PRRG1: variants seen among roughly 807,000 people sequenced by gnomAD.
PRRG1 encodes the protein proline rich and Gla domain 1.
PRRG1 carries 5 observed loss-of-function variants against 11.8 expected under a neutral mutation model. The ratio of observed to expected loss-of-function variants is 0.42; its 90% CI spans 0.22 to 0.89. PRRG1 has a LOEUF of 0.89. Among genes scored for constraint, PRRG1 ranks in the 40% least tolerant of loss-of-function variants. The pLI is 0.28. For missense variants in PRRG1, 155 were observed against 166.1 expected (o/e 0.93, Z 0.37); for synonymous variants, 66 against 60.4 (o/e 1.09, Z -0.43).
chrX:37,429,844 G>A (rs782116141), intron 3 of PRRG1, among the ~76,000 whole-genome samples: 36 of 112,165 alleles, frequency 3.2e-4, no homozygotes, highest in African/African-American at 1.2e-3. Flanking sequence ...CACATGGCTG[G>A]CAAGGCCTTA....
intron 1 of PRRG1, among the ~76,000 whole-genome samples, chrX:37,381,473 T>C (rs1320933819): frequency 9.0e-6 from 1 of 111,432 alleles, no homozygotes; most frequent in Non-Finnish European, 1.9e-5. Context: ...AGTAATAAAG[T>C]TTCTGGGCAA....
chrX:37,452,178 G>T (rs1211930426), intron 3 of PRRG1, among the ~76,000 whole-genome samples: 1 of 112,065 alleles, frequency 8.9e-6, no homozygotes, highest in Non-Finnish European at 1.9e-5. Context: ...TAAGGGATAG[G>T]TAATCAGTCA....
At chrX:37,431,941 A>G (rs781896360) in intron 3 of PRRG1, among the ~76,000 whole-genome samples, 5 of 105,437 alleles carry the variant, frequency 4.7e-5, no homozygotes, top group African/African-American at 1.7e-4. Flanking sequence ...CTTTATATAC[A>G]TATATATATA....
At chrX:37,389,513 G>A (rs782755697) in intron 1 of PRRG1, among the ~76,000 whole-genome samples, 1 of 111,303 alleles carries the variant, frequency 9.0e-6, no homozygotes, top group South Asian at 3.8e-4. Flanking sequence ...AATCATGGTG[G>A]AAGGTGAAGG....
intron 1 of PRRG1, among the ~76,000 whole-genome samples, chrX:37,379,531 A>G (rs1931087186): frequency 9.0e-6 from 1 of 111,430 alleles, no homozygotes. Flanking sequence ...ATAAATATTT[A>G]TATAAGGAAC....
Position 37,441,683 on chromosome X carries a change from G to A in PRRG1, c.172-11453G>A, listed in dbSNP as rs1315294780. The A allele has an allele frequency of 1.3e-5, 10 of 797,382 alleles. No individual in the cohort carries two copies. The Admixed American group carries it at 1.7e-4, about 13-fold the overall frequency. The allele number at this position is 797,382 out of a possible 1,213,427, so 65.7% of individuals were successfully genotyped here. A position where few individuals can be genotyped will look rare whatever the true frequency, so the allele number is the denominator to read the frequency against. On this transcript the variant is annotated intron_variant, in intron 3 of 3. Coordinates refer to ENST00000378628, the MANE Select transcript of PRRG1 (RefSeq NM_001142395.2). Reference sequence around the variant, plus strand: ...AATGCGGCCCTGGAGCACTTTAGCCGCTACTTCCTGCGCCAGTTGCACAAG... The same window carrying A: ...AATGCGGCCCTGGAGCACTTTAGCCACTACTTCCTGCGCCAGTTGCACAAG...
chrX:37,385,768 T>G (rs1372352527), intron 1 of PRRG1, among the ~76,000 whole-genome samples: 15 of 108,920 alleles, frequency 1.4e-4, no homozygotes, highest in African/African-American at 5.0e-4. Context: ...TCCTTTTTTT[T>G]TTTTGTTTTT....
intron 3 of PRRG1, among the ~76,000 whole-genome samples, chrX:37,432,443 A>G (rs960670705): frequency 9.9e-5 from 11 of 111,600 alleles, no homozygotes; most frequent in Middle Eastern, 4.7e-3. Context: ...CAGTGCTTCT[A>G]TATATCATTT....
intron 3 of PRRG1, among the ~76,000 whole-genome samples, chrX:37,432,153 T>C (rs1403379024): frequency 9.4e-6 from 1 of 106,796 alleles, no homozygotes; most frequent in Non-Finnish European, 1.9e-5. Flanking sequence ...AGTGGCGCAA[T>C]CTCAGCTCAC....
At chrX:37,409,138 C>T (rs1932283737) in intron 2 of PRRG1, among the ~76,000 whole-genome samples, 2 of 111,823 alleles carry the variant, frequency 1.8e-5, no homozygotes, top group Admixed American at 1.9e-4. Flanking sequence ...AATTGATTAA[C>T]ACATACTTTA....
intron 1 of PRRG1, among the ~76,000 whole-genome samples, chrX:37,373,981 A>G (rs1601977960): frequency 8.9e-6 from 1 of 111,828 alleles, no homozygotes; most frequent in South Asian, 3.7e-4. Flanking sequence ...TTTATCAGGA[A>G]ACAATGTTGA....
intron 3 of PRRG1, among the ~76,000 whole-genome samples, chrX:37,435,530 A>G (rs1244977600): frequency 2.7e-5 from 3 of 110,745 alleles, no homozygotes; most frequent in Admixed American, 9.7e-5. Context: ...TTTGCAATGG[A>G]GAAACCTGTC....
chrX:37,449,977 C>T lies in PRRG1; in HGVS notation c.172-3159C>T, dbSNP rs782098639. On this transcript the variant is annotated intron_variant, in intron 3 of 3. Coordinates refer to ENST00000378628, the MANE Select transcript of PRRG1 (RefSeq NM_001142395.2). ...GAGCTGATTTCACATGAATTTTCTTCTGACCCTCTGGCCTAAAGGACATAT... is the reference window on the plus strand; with the variant it reads ...GAGCTGATTTCACATGAATTTTCTTTTGACCCTCTGGCCTAAAGGACATAT... Among the ~76,000 whole-genome samples, 8 of 112,622 alleles carry T rather than the reference C, an allele frequency of 7.1e-5. No individual in the cohort carries two copies. The South Asian group carries it at 2.9e-3, about 41-fold the overall frequency.
intron 3 of PRRG1, among the ~76,000 whole-genome samples, chrX:37,427,742 A>C (rs1339716721): frequency 3.6e-5 from 4 of 111,866 alleles, no homozygotes; most frequent in African/African-American, 1.3e-4. Context: ...ATTTCACTTA[A>C]TATAACGTCC....
chrX:37,367,448 GA>G (rs1930611047), intron 1 of PRRG1, among the ~76,000 whole-genome samples: 1 of 111,815 alleles, frequency 8.9e-6, no homozygotes, highest in Non-Finnish European at 1.9e-5. Context: ...AATTTGAGAG[GA>G]AAATGTTAAC....
At chrX:37,403,266 G>A (rs1932077202) in intron 1 of PRRG1, among the ~76,000 whole-genome samples, 1 of 110,229 alleles carries the variant, frequency 9.1e-6, no homozygotes, top group Non-Finnish European at 1.9e-5. Flanking sequence ...TTAAGAAAAT[G>A]TGGCACATAT....
chrX:37,357,493 A>G (rs1200017858), intron 1 of PRRG1, among the ~76,000 whole-genome samples: 3 of 112,214 alleles, frequency 2.7e-5, no homozygotes, highest in Non-Finnish European at 5.6e-5. Context: ...CCAGTTACCC[A>G]AGGTCAACTA....
chrX:37,398,009 CACACACAT>C (rs782093240), intron 1 of PRRG1, among the ~76,000 whole-genome samples: 2,253 of 93,625 alleles, frequency 0.024, 21 homozygotes, highest in African/African-American at 0.038. Flanking sequence ...CACACACACA[CACACACAT>C]ACACGCTGAA....
chrX:37,440,667 G>T, intron 3 of PRRG1: 1 of 463,287 alleles, frequency 2.2e-6, no homozygotes, highest in Non-Finnish European at 3.7e-6. Flanking sequence ...AGTAAAATGG[G>T]ATAAATTAAT....
Sources: gnomAD v4.1 joint callset for allele counts (sites outside exome capture counted in the v4.1 genomes callset) on GRCh38, gnomAD v4.1.1 for gene constraint, MANE v1.5 for transcripts, NCBI Gene and HGNC (gene_info 2026-07-23, HGNC 2026-07-21) for gene names.